QRSL1: variants seen among roughly 807,000 people sequenced by gnomAD.
QRSL1 encodes glutamyl-tRNA(Gln) amidotransferase subunit A, mitochondrial.
QRSL1 carries 54 observed loss-of-function variants against 61.6 expected under a neutral mutation model. The observed-to-expected ratio is 0.88, with a 90% CI of 0.70 to 1.10. The LOEUF is 1.10. QRSL1 is among the 50% of genes least tolerant of loss of function. The pLI is 0.00. For missense variants in QRSL1, 505 were observed against 622.6 expected, an observed-to-expected ratio of 0.81 and a Z score of 2.01; for synonymous variants, 228 against 225.7, an observed-to-expected ratio of 1.01 and a Z score of -0.09.
At chr6:106,646,636 GA>G (rs1190757360) in intron 4 of QRSL1, among the ~76,000 whole-genome samples, 7 of 142,192 alleles carry the variant, frequency 4.9e-5, no homozygotes, top group Admixed American at 2.1e-4. Flanking sequence ...TGTCTCTACA[GA>G]AAAAAAAAAT....
intron 4 of QRSL1, among the ~76,000 whole-genome samples, chr6:106,647,781 G>A (rs1185645627): frequency 1.4e-5 from 2 of 144,434 alleles, no homozygotes; most frequent in Non-Finnish European, 3.0e-5. Flanking sequence ...CTCCCGAGTA[G>A]CTGGGACTAC....
At chr6:106,639,315 A>G (rs540038503) in intron 1 of QRSL1, among the ~76,000 whole-genome samples, 6 of 151,748 alleles carry the variant, frequency 4.0e-5, no homozygotes, top group African/African-American at 1.4e-4. Context: ...TAGTAGAGAC[A>G]GAGTTTCACC....
intron 4 of QRSL1, among the ~76,000 whole-genome samples, chr6:106,644,482 G>A (rs574285975): frequency 3.2e-4 from 48 of 151,934 alleles, no homozygotes; most frequent in African/African-American, 1.2e-3. Flanking sequence ...TATGATTCAT[G>A]TGTCCTAAGA....
intron 1 of QRSL1, among the ~76,000 whole-genome samples, chr6:106,630,842 T>C (rs1234472292): frequency 6.6e-6 from 1 of 152,204 alleles, no homozygotes; most frequent in Non-Finnish European, 1.5e-5. Context: ...TAATGAGAAA[T>C]TGAAATCCAC....
Position 106,629,693 on chromosome 6 carries a change from G to C in QRSL1, c.12G>C (p.Arg4=). The C allele has an allele frequency of 4.4e-6, 7 of 1,606,368 alleles. No homozygotes were observed. Among genetic ancestry groups the C allele is most frequent in the Non-Finnish European group, 5.9e-6 (7 of 1,177,104 alleles). ...TGGGCACGAGGACCATGCTGGGCCGGAGCCTCCGAGAAGTGAGTGGAATTG... is the reference window on the plus strand; with the variant it reads ...TGGGCACGAGGACCATGCTGGGCCGCAGCCTCCGAGAAGTGAGTGGAATTG... MLG[R]SLREVSAALK... Residue 4 remains arginine, a synonymous_variant, in exon 1 of 11, where the codon CGG becomes CGC. Coordinates refer to ENST00000369046, the MANE Select transcript of QRSL1 (RefSeq NM_018292.5).
intron 9 of QRSL1, among the ~76,000 whole-genome samples, chr6:106,661,374 A>G (rs1017620554): frequency 3.3e-5 from 5 of 152,144 alleles, no homozygotes; most frequent in African/African-American, 4.8e-5. Context: ...TCGGCCTCCC[A>G]AAGTGCTGAG....
At chr6:106,656,599 G>T (rs988249469) in intron 9 of QRSL1, among the ~76,000 whole-genome samples, 6 of 152,198 alleles carry the variant, frequency 3.9e-5, no homozygotes, top group Admixed American at 2.6e-4. Context: ...TTTTCTCCAT[G>T]CCCTCAAGGG....
Position 106,665,886 on chromosome 6 carries a change from G to A in QRSL1, c.1471G>A (p.Ala491Thr). ...TTGTGACCAGCAGCTTCTTACAGTA[G>A]CCAAATGGTTTGAAAAACAAGTACA... ...AFCDQQLLTV[A>T]KWFEKQVQFP... The change falls in exon 11 of 11, where the codon GCC (alanine) becomes ACC (threonine). Residue 491 changes from alanine (A) to threonine (T), a missense_variant. By Grantham distance (58) the Ala-to-Thr change is moderately conservative. Coordinates refer to ENST00000369046, the MANE Select transcript of QRSL1 (RefSeq NM_018292.5). 6.2e-7 allele frequency: 1 copy of A among 1,613,946 alleles called. No homozygotes were observed. Among genetic ancestry groups the A allele is most frequent in the African/African-American group, 1.3e-5 (1 of 75,030 alleles).
chr6:106,633,614 C>T (rs1313425128), intron 1 of QRSL1, among the ~76,000 whole-genome samples: 3 of 152,074 alleles, frequency 2.0e-5, no homozygotes, highest in African/African-American at 7.2e-5. Context: ...TACCCAAGTA[C>T]ATTCAGAAAG....
Position 106,629,709 on chromosome 6 carries a change from A to G in QRSL1, c.24+4A>G. ...GCTGGGCCGGAGCCTCCGAGAAGTG[A>G]GTGGAATTGGCCCGCTGAGGCCCCC... On this transcript the variant is annotated splice_donor_region_variant and intron_variant, in intron 1 of 10. Transcript: ENST00000369046. 6.2e-7 allele frequency: 1 copy of G among 1,605,566 alleles called. No individual in the cohort carries two copies. The highest frequency in any genetic ancestry group is 2.2e-5 in the East Asian group (1 of 44,554).
chr6:106,629,849 A>G (rs1776778710), intron 1 of QRSL1, 144 bp downstream of exon 1: 1 of 993,722 alleles, frequency 1.0e-6, no homozygotes, highest in Non-Finnish European at 1.5e-6. Context: ...GTACCTTTCG[A>G]TTCTTCGGGT....
At chr6:106,642,922 G>T in intron 3 of QRSL1, 72 bp from the exon 4 acceptor site, 1 of 1,054,796 alleles carries the variant, frequency 9.5e-7, no homozygotes. Context: ...GTGAATTCAT[G>T]GCATAATAGG....
chr6:106,661,686 CTTTTTTTTTTTTTT>C (rs572306794), intron 9 of QRSL1, among the ~76,000 whole-genome samples: 4 of 55,070 alleles, frequency 7.3e-5, no homozygotes, highest in African/African-American at 1.3e-4. Flanking sequence ...ATGGTTAGTT[CTTTTTTTTTTTTTT>C]TTTTTTTTTT....
intron 4 of QRSL1, among the ~76,000 whole-genome samples, chr6:106,647,483 C>T (rs1262060698): frequency 6.2e-5 from 9 of 144,198 alleles, no homozygotes; most frequent in African/African-American, 2.3e-4. Flanking sequence ...CACTTGAAAC[C>T]GGGAGGCGGA....
Position 106,652,811 on chromosome 6 carries a change from T to TTA in QRSL1, c.849+230_849+231dup, listed in dbSNP as rs1328451549. 2.8e-6 allele frequency: 4 copies of TTA among 1,424,070 alleles called. No homozygotes were observed. In the African/African-American group the frequency reaches 5.8e-5, roughly 21 times the overall value. 88.2% of individuals were successfully genotyped at this position (1,424,070 alleles called of 1,614,324 possible). On this transcript the variant is annotated intron_variant, in intron 7 of 10. Transcript: ENST00000369046. ...TGTGAGGATCAATTAGACAGTCATG[T>TTA]TAAGTCTGTAAATTGTTTCTGTAAT...
At chr6:106,639,116 G>GTTTTTTT (rs1554200732) in intron 1 of QRSL1, among the ~76,000 whole-genome samples, 1,162 of 54,254 alleles carry the variant, frequency 0.021, 105 homozygotes, top group African/African-American at 0.063. Context: ...TGTGTGTTTT[G>GTTTTTTT]TTGTTTTTTT....
chr6:106,630,885 CATT>C (rs1776810112), intron 1 of QRSL1, among the ~76,000 whole-genome samples: 1 of 152,160 alleles, frequency 6.6e-6, no homozygotes, highest in Admixed American at 6.5e-5. Flanking sequence ...CCCCAAAATA[CATT>C]ATTATGTTAT....
chr6:106,644,157 C>T (rs1777070815), intron 4 of QRSL1, among the ~76,000 whole-genome samples: 1 of 152,160 alleles, frequency 6.6e-6, no homozygotes, highest in Admixed American at 6.5e-5. Context: ...CAGGCATGTG[C>T]CACCACGCCC....
chr6:106,666,584 C>T lies in QRSL1; in HGVS notation c.*582C>T, dbSNP rs1777438088. On this transcript the variant is annotated 3_prime_UTR_variant, in exon 11 of 11. Coordinates refer to ENST00000369046, the MANE Select transcript of QRSL1 (RefSeq NM_018292.5). ...GCCATAATGTTCATTAAAGAGTTTA[C>T]AGTAAAAATAAGATTAGGGATAAAC... The T allele has an allele frequency of 6.5e-6, 1 of 154,316 alleles. No homozygotes were observed. Among genetic ancestry groups the T allele is most frequent in the African/African-American group, 2.4e-5 (1 of 41,420 alleles). The allele number at this position is 154,316 out of a possible 1,614,324, so 9.6% of individuals were successfully genotyped here.
Sources: allele counts gnomAD v4.1 joint callset (sites outside exome capture counted in the v4.1 genomes callset), GRCh38; gene constraint gnomAD v4.1.1; transcripts MANE v1.5; gene names NCBI Gene and HGNC (gene_info 2026-07-23, HGNC 2026-07-21).